Variants in GDAP1 observed in about 807,000 individuals in gnomAD.
GDAP1 encodes the protein ganglioside induced differentiation associated protein 1.
GDAP1 carries 34 observed loss-of-function variants against 40.1 expected under a neutral mutation model. The observed-to-expected ratio is 0.85, with a 90% CI of 0.64 to 1.13. GDAP1 has a LOEUF of 1.13. GDAP1 is among the 50% of genes most tolerant of loss of function. The pLI is 0.00. For synonymous variants in GDAP1, 170 were observed against 157.4 expected (o/e 1.08, Z -0.60); for missense variants, 374 against 433.7 (o/e 0.86, Z 1.22).
intron 2 of GDAP1, among the ~76,000 whole-genome samples, chr8:74,417,778 A>AC (rs1805803088): frequency 1.3e-5 from 1 of 78,956 alleles, no homozygotes; most frequent in Non-Finnish European, 3.2e-5. Flanking sequence ...AAAAAAAAAA[A>AC]AGGAAAAGAA....
chr8:74,350,504 A>G lies in GDAP1; in HGVS notation c.43A>G (p.Arg15Gly). Residue 15 changes from arginine to glycine, a missense_variant, in exon 1 of 6, where the codon AGG (arginine) becomes GGG (glycine). Transcript: ENST00000220822. Reference sequence around the variant, plus strand: ...AGAGCAGAGAGGGAGCCCGCCCTTGAGGGCGGAAGGCAAGGCCGACGCGGA... The same window carrying G: ...AGAGCAGAGAGGGAGCCCGCCCTTGGGGGCGGAAGGCAAGGCCGACGCGGA... ...QEEQRGSPPL[R>G]AEGKADAEVK... The G allele has an allele frequency of 6.2e-7, 1 of 1,613,696 alleles. No individual in the cohort carries two copies. Among genetic ancestry groups the G allele is most frequent in the South Asian group, 1.1e-5 (1 of 91,072 alleles).
chr8:74,445,630 G>A (rs1806217935), intron 2 of GDAP1, among the ~76,000 whole-genome samples: 1 of 151,564 alleles, frequency 6.6e-6, no homozygotes, highest in South Asian at 2.1e-4. Flanking sequence ...AGTTTCTTTT[G>A]GTACACACAT....
intron 2 of GDAP1, among the ~76,000 whole-genome samples, chr8:74,355,365 T>G (rs1809047437): frequency 6.6e-6 from 1 of 152,232 alleles, no homozygotes; most frequent in South Asian, 2.1e-4. Context: ...ATTAGCAGCT[T>G]GCTAGTCTTC....
intron 2 of GDAP1, among the ~76,000 whole-genome samples, chr8:74,461,546 C>A (rs1806400436): frequency 1.3e-5 from 2 of 152,122 alleles, no homozygotes; most frequent in African/African-American, 4.8e-5. Context: ...CAAAAAAATT[C>A]GGAAGAAAAG....
In GDAP1 at chr8:74,404,984, T is replaced by A. The variant is rs1010508272; in HGVS notation, c.165+53663T>A. The stretch of plus-strand genomic sequence containing the variant: ...AGATTACTTATAATACCTAATACAA[T>A]GTAAATTATATTATGTATATTTGTT... On this transcript the variant is annotated intron_variant, in intron 2 of 2. Transcript: ENST00000523640. 2.7e-5 allele frequency among the ~76,000 whole-genome samples: 4 copies of A among 150,056 alleles called. 1 individual carries two copies. Among genetic ancestry groups the A allele is most frequent in the African/African-American group, 5.1e-5 (2 of 39,356 alleles).
intron 2 of GDAP1, among the ~76,000 whole-genome samples, chr8:74,475,517 T>C (rs1046478627): frequency 6.6e-6 from 1 of 152,246 alleles, no homozygotes; most frequent in Non-Finnish European, 1.5e-5. Context: ...AACTTCTTGA[T>C]TCCTGCCTTA....
At chr8:74,396,134 G>T (rs1333112213) in intron 2 of GDAP1, among the ~76,000 whole-genome samples, 1 of 151,908 alleles carries the variant, frequency 6.6e-6, no homozygotes. Flanking sequence ...TAGAAACACT[G>T]GAATTTACAT....
intron 2 of GDAP1, among the ~76,000 whole-genome samples, chr8:74,443,980 G>GTCTA (rs34362360): frequency 0.16 from 23,174 of 147,274 alleles, 1,821 homozygotes; most frequent in African/African-American, 0.18. Flanking sequence ...CTTTCTGTCT[G>GTCTA]TCTATCTATC....
chr8:74,475,520 C>T (rs1352211101), intron 2 of GDAP1, among the ~76,000 whole-genome samples: 3 of 152,094 alleles, frequency 2.0e-5, no homozygotes, highest in Non-Finnish European at 4.4e-5. Flanking sequence ...TTCTTGATTC[C>T]TGCCTTAATC....
intron 3 of GDAP1, among the ~76,000 whole-genome samples, chr8:74,361,301 C>T (rs972499305): frequency 8.5e-5 from 13 of 152,208 alleles, no homozygotes; most frequent in African/African-American, 3.1e-4. Context: ...GGCGGAGCAG[C>T]AAGCCTGCAC....
intron 2 of GDAP1, among the ~76,000 whole-genome samples, chr8:74,416,398 C>T (rs913643915): frequency 1.3e-5 from 2 of 150,098 alleles, no homozygotes; most frequent in Non-Finnish European, 2.9e-5. Flanking sequence ...CAGTCCATTA[C>T]AACATCTGCA....
At chr8:74,425,944 C>T (rs16938901) in intron 2 of GDAP1, among the ~76,000 whole-genome samples, 5,539 of 152,228 alleles carry the variant, frequency 0.036, 326 homozygotes, top group African/African-American at 0.12. Flanking sequence ...TCCAGTGCTG[C>T]AGTCTGATTT....
At chr8:74,381,760 TAA>T (rs59246526) in intron 2 of GDAP1, among the ~76,000 whole-genome samples, 3,036 of 142,140 alleles carry the variant, frequency 0.021, 30 homozygotes, top group Non-Finnish European at 0.031. Flanking sequence ...CATCTCAAAT[TAA>T]AAAAAAAAAA....
chr8:74,478,152 G>A (rs985168097), intron 2 of GDAP1, among the ~76,000 whole-genome samples: 2 of 152,060 alleles, frequency 1.3e-5, no homozygotes, highest in Non-Finnish European at 2.9e-5. Flanking sequence ...GGTGGGGCTG[G>A]TAGGTTCCCT....
intron 2 of GDAP1, among the ~76,000 whole-genome samples, chr8:74,400,714 T>C (rs1391179468): frequency 4.7e-5 from 7 of 149,708 alleles, no homozygotes; most frequent in African/African-American, 7.7e-5. Flanking sequence ...CCATGTTTAG[T>C]GCTTCCTTCA....
intron 2 of GDAP1, among the ~76,000 whole-genome samples, chr8:74,460,237 C>T (rs1323063298): frequency 6.6e-6 from 1 of 152,118 alleles, no homozygotes; most frequent in African/African-American, 2.4e-5. Context: ...CATAATGTTC[C>T]TTAAATTGTA....
At chr8:74,436,918 A>G (rs955306505) in intron 2 of GDAP1, among the ~76,000 whole-genome samples, 45 of 152,322 alleles carry the variant, frequency 3.0e-4, no homozygotes, top group African/African-American at 1.0e-3. Flanking sequence ...ATCCCTCACA[A>G]TGCAGCAGAA....
At chr8:74,433,102 C>T (rs1272972653) in intron 2 of GDAP1, among the ~76,000 whole-genome samples, 9 of 152,120 alleles carry the variant, frequency 5.9e-5, no homozygotes, top group Admixed American at 1.3e-4. Context: ...CAGATCCTTC[C>T]GTGGTTGGTG....
At chr8:74,418,701 C>G (rs751996628) in intron 2 of GDAP1, among the ~76,000 whole-genome samples, 1 of 152,078 alleles carries the variant, frequency 6.6e-6, no homozygotes, top group East Asian at 1.9e-4. Flanking sequence ...AACTTTTGCT[C>G]TCTGTTAAGA....
Sources: gnomAD v4.1 joint callset for allele counts (sites outside exome capture counted in the v4.1 genomes callset) on GRCh38, gnomAD v4.1.1 for gene constraint, MANE v1.5 for transcripts, NCBI Gene and HGNC (gene_info 2026-07-23, HGNC 2026-07-21) for gene names.